The following PSMD14 variants were observed in gnomAD, a reference collection of about 807,000 sequenced individuals.
The protein encoded by PSMD14 is proteasome 26S subunit, non-ATPase 14.
A neutral mutation model predicts 41.2 loss-of-function variants in PSMD14; 7 were observed. The ratio of observed to expected loss-of-function variants is 0.17; its 90% CI spans 0.10 to 0.32. The LOEUF is 0.32. Ranked by LOEUF, PSMD14 falls within the 10% of genes least tolerant of loss-of-function variation. PSMD14 has a pLI of 1.00. For synonymous variants in PSMD14, 114 were observed against 122.3 expected, an observed-to-expected ratio of 0.93 and a Z score of 0.45; for missense variants, 139 against 375.6, an observed-to-expected ratio of 0.37 and a Z score of 5.21.
At chr2:161,322,875 T>C (rs1682628985) in intron 3 of PSMD14, among the ~76,000 whole-genome samples, 2 of 152,208 alleles carry the variant, frequency 1.3e-5, no homozygotes, top group Admixed American at 6.5e-5. Context: ...CCATTCATTC[T>C]AGTTTCTTAA....
chr2:161,380,878 C>T (rs1683562608), intron 7 of PSMD14, among the ~76,000 whole-genome samples: 5 of 151,876 alleles, frequency 3.3e-5, no homozygotes, highest in Admixed American at 2.6e-4. Flanking sequence ...GGTCACAAAC[C>T]CCAGCAGTAC....
intron 1 of PSMD14, among the ~76,000 whole-genome samples, chr2:161,310,811 A>C (rs1689078885): frequency 6.6e-6 from 1 of 152,176 alleles, no homozygotes; most frequent in Non-Finnish European, 1.5e-5. Context: ...CAACTGGTTC[A>C]AGAGCCTTTT....
intron 3 of PSMD14, among the ~76,000 whole-genome samples, chr2:161,340,634 T>C (rs4027149): frequency 0.91 from 138,567 of 151,770 alleles, 63,309 homozygotes; most frequent in East Asian, 1. Flanking sequence ...AAAGGTGTTC[T>C]CAGGATCCTG....
At chr2:161,395,348 C>A in intron 10 of PSMD14, 145 bp downstream of exon 10, 1 of 766,778 alleles carries the variant, frequency 1.3e-6, no homozygotes, top group South Asian at 2.0e-5. Context: ...ATCTGGTCTG[C>A]AACTACTCAC....
chr2:161,364,715 C>G (rs1245992487), intron 3 of PSMD14, among the ~76,000 whole-genome samples: 2 of 152,196 alleles, frequency 1.3e-5, no homozygotes, highest in African/African-American at 4.8e-5. Flanking sequence ...TGCGATTTCT[C>G]TCTCTCTCTG....
chr2:161,372,752 G>A (rs990524572), intron 7 of PSMD14, among the ~76,000 whole-genome samples: 1 of 151,648 alleles, frequency 6.6e-6, no homozygotes, highest in Non-Finnish European at 1.5e-5. Context: ...CTATTTTAAG[G>A]TACCTTTTTA....
At chr2:161,402,181 T>G (rs979465917) in intron 10 of PSMD14, among the ~76,000 whole-genome samples, 4 of 152,220 alleles carry the variant, frequency 2.6e-5, no homozygotes, top group Non-Finnish European at 5.9e-5. Flanking sequence ...TGCTTGCATC[T>G]CCAGTCTTTC....
chr2:161,407,581 TAAG>T (rs1033585503), intron 10 of PSMD14: 1 of 152,148 alleles, frequency 6.6e-6, no homozygotes, highest in African/African-American at 2.4e-5. Context: ...ACAAAACTAT[TAAG>T]AAGGTGTGAA....
chr2:161,372,939 G>C (rs1683456942), intron 7 of PSMD14, among the ~76,000 whole-genome samples: 1 of 151,790 alleles, frequency 6.6e-6, no homozygotes, highest in Non-Finnish European at 1.5e-5. Context: ...CTTGACTCAT[G>C]TGATGGTGGC....
intron 9 of PSMD14, 90 bp from the exon 10 acceptor site, chr2:161,394,986 ATG>A: frequency 2.9e-6 from 3 of 1,033,736 alleles, no homozygotes; most frequent in Non-Finnish European, 2.7e-6. Context: ...TTAAGTCGAA[ATG>A]TTTTTTTTTT....
At chr2:161,391,280 A>C in intron 9 of PSMD14, 102 bp downstream of exon 9, 3 of 1,168,072 alleles carry the variant, frequency 2.6e-6, no homozygotes, top group Non-Finnish European at 3.4e-6. Flanking sequence ...GACCTCTTTC[A>C]GTGTTTCCAA....
intron 3 of PSMD14, among the ~76,000 whole-genome samples, chr2:161,353,997 CATAA>C (rs1410503390): frequency 2.0e-5 from 3 of 151,990 alleles, no homozygotes; most frequent in Admixed American, 2.0e-4. Flanking sequence ...GATTTAAATA[CATAA>C]ATAAATAGTA....
At chr2:161,380,409 C>A (rs1424429834) in intron 7 of PSMD14, among the ~76,000 whole-genome samples, 1 of 151,900 alleles carries the variant, frequency 6.6e-6, no homozygotes, top group African/African-American at 2.4e-5. Flanking sequence ...TTCTAAAGAT[C>A]GATTTGTTTT....
chr2:161,341,288 C>T, intron 3 of PSMD14: 1 of 1,019,792 alleles, frequency 9.8e-7, no homozygotes, highest in South Asian at 4.1e-5. Flanking sequence ...CGGTGGCCAG[C>T]GCAGGCAGCG....
intron 3 of PSMD14, among the ~76,000 whole-genome samples, chr2:161,342,619 C>CT (rs879665409): frequency 6.3e-4 from 90 of 143,126 alleles, no homozygotes; most frequent in African/African-American, 1.4e-3. Context: ...TTGTGTTTTG[C>CT]TTTTTTTTTT....
At chr2:161,367,612 T>G in intron 4 of PSMD14, 63 bp downstream of exon 4, 2 of 1,459,848 alleles carry the variant, frequency 1.4e-6, no homozygotes, top group Non-Finnish European at 1.9e-6. Flanking sequence ...ATCTTTTACT[T>G]TGGAATATTT....
At position 161,401,605 on chromosome 2, in the gene PSMD14, A is replaced by C. The variant is rs573585487; in HGVS notation, c.771+6402A>C. On this transcript the variant is annotated intron_variant, in intron 10 of 11. Coordinates refer to ENST00000409682, the MANE Select transcript of PSMD14 (RefSeq NM_005805.6). ...ATAGAAATTTTTTCCAACAACCTTA[A>C]CTACAGTTTCTCTTACATACATATA... Among the ~76,000 whole-genome samples, 28 of 152,234 alleles carry C rather than the reference A, an allele frequency of 1.8e-4. No homozygotes were observed. The East Asian group carries it at 3.1e-3, about 17-fold the overall frequency.
rs143586687 is a variant in PSMD14, at chr2:161,374,483, A to G, written c.462+3161A>G. 2.2e-4 allele frequency among the ~76,000 whole-genome samples: 33 copies of G among 152,096 alleles called. No individual in the cohort carries two copies. In the East Asian group the frequency reaches 5.2e-3, roughly 24 times the overall value. On this transcript the variant is annotated intron_variant, in intron 7 of 11. Coordinates refer to ENST00000409682, the MANE Select transcript of PSMD14 (RefSeq NM_005805.6). ...CCTCTGCATATTGTACAGTACTATA[A>G]ATGTTTTAAAATGATACAGGTGAAA...
intron 3 of PSMD14, among the ~76,000 whole-genome samples, chr2:161,326,482 T>C (rs1262008444): frequency 1.3e-5 from 2 of 152,228 alleles, no homozygotes; most frequent in Non-Finnish European, 2.9e-5. Flanking sequence ...ACAGATAATA[T>C]GGAAAACATT....
Sources: allele counts gnomAD v4.1 joint callset (sites outside exome capture counted in the v4.1 genomes callset), GRCh38; gene constraint gnomAD v4.1.1; transcripts MANE v1.5; gene names NCBI Gene and HGNC (gene_info 2026-07-23, HGNC 2026-07-21).